Variants in IHO1 observed in about 807,000 individuals in gnomAD.
The protein encoded by IHO1 is interactor of HORMAD1 protein 1.
Under a neutral mutation model 31.0 loss-of-function variants are expected in IHO1, and 13 were observed. That is an observed-to-expected ratio of 0.42 (90% CI 0.27 to 0.67). IHO1 has a LOEUF of 0.67. IHO1 is among the 30% of genes least tolerant of loss of function. The pLI, the probability that IHO1 is intolerant of heterozygous loss-of-function variation, is 0.24. For missense variants in IHO1, 599 were observed against 687.5 expected, an observed-to-expected ratio of 0.87 and a Z score of 1.44; for synonymous variants, 221 against 248.4, an observed-to-expected ratio of 0.89 and a Z score of 1.04.
chr3:49,251,233 G>C (rs927705751), intron 6 of IHO1, among the ~76,000 whole-genome samples: 1 of 150,126 alleles, frequency 6.7e-6, no homozygotes, highest in African/African-American at 2.5e-5. Context: ...CAGTTCTCCT[G>C]TCTCAGCCTC....
intron 6 of IHO1, among the ~76,000 whole-genome samples, chr3:49,248,204 C>T (rs1169180678): frequency 4.0e-5 from 6 of 151,088 alleles, no homozygotes; most frequent in Non-Finnish European, 7.4e-5. Context: ...GGGCAGATCA[C>T]GGGGTCAGGA....
At chr3:49,199,701 G>A (rs2046028372) in intron 1 of IHO1, 128 bp downstream of exon 1, 1 of 152,302 alleles carries the variant, frequency 6.6e-6, no homozygotes, top group African/African-American at 2.4e-5. Context: ...CGGGACGTTG[G>A]TCTTGTAGTC....
chr3:49,197,590 TATGG>T (rs2046007011), upstream of IHO1, among the ~76,000 whole-genome samples: 1 of 152,012 alleles, frequency 6.6e-6, no homozygotes. Context: ...AGAGAGTAAA[TATGG>T]CCAGGCGTGG....
At chr3:49,194,979 G>A (rs1354182171), upstream of IHO1, among the ~76,000 whole-genome samples, 1 of 152,028 alleles carries the variant, frequency 6.6e-6, no homozygotes, top group Non-Finnish European at 1.5e-5. Context: ...GGCTGGGTGT[G>A]ATGGGTCACT....
chr3:49,242,269 T>A (rs1247663384), intron 4 of IHO1, among the ~76,000 whole-genome samples: 4 of 151,644 alleles, frequency 2.6e-5, no homozygotes, highest in African/African-American at 7.3e-5. Context: ...GTAGCTTCGA[T>A]CAGAGGCACA....
At chr3:49,211,638 G>T (rs2046217826) in intron 1 of IHO1, 128 bp from the exon 2 acceptor site, 5 of 355,230 alleles carry the variant, frequency 1.4e-5, no homozygotes, top group East Asian at 5.2e-5. Flanking sequence ...AAAAAAAACA[G>T]AAATTTTCAC....
intron 2 of IHO1, among the ~76,000 whole-genome samples, chr3:49,218,601 C>A (rs1358098481): frequency 2.6e-5 from 4 of 152,012 alleles, no homozygotes; most frequent in Non-Finnish European, 5.9e-5. Flanking sequence ...AGGCTGATTT[C>A]AAACTCCTGA....
chr3:49,255,851 C>T (rs963046390), intron 7 of IHO1, among the ~76,000 whole-genome samples: 2 of 151,940 alleles, frequency 1.3e-5, no homozygotes, highest in Non-Finnish European at 2.9e-5. Context: ...TGCGCCCGGC[C>T]GAGAAACCTT....
intron 1 of IHO1, among the ~76,000 whole-genome samples, chr3:49,200,352 C>G (rs1226165328): frequency 6.6e-6 from 1 of 151,540 alleles, no homozygotes; most frequent in Non-Finnish European, 1.5e-5. Context: ...GTAATCCCAG[C>G]TACTTGGGAG....
intron 3 of IHO1, among the ~76,000 whole-genome samples, 192 bp from the exon 4 acceptor site, chr3:49,241,034 T>C (rs2046624674): frequency 6.6e-6 from 1 of 152,230 alleles, no homozygotes; most frequent in Non-Finnish European, 1.5e-5. Flanking sequence ...AAAATCTATA[T>C]TAATAAAAAC....
At chr3:49,245,114 C>T (rs1342022785) in intron 6 of IHO1, 1 of 440,814 alleles carries the variant, frequency 2.3e-6, no homozygotes, top group African/African-American at 1.9e-5. Context: ...GTTAGAAATA[C>T]TGTAGTACCT....
Position 49,236,680 on chromosome 3 carries a change from C to T in IHO1, c.189C>T (p.Ala63=). 1 of 1,613,992 alleles carries T rather than the reference C, an allele frequency of 6.2e-7. No homozygotes were observed. Among genetic ancestry groups the T allele is most frequent in the Middle Eastern group, 1.6e-4 (1 of 6,062 alleles). ...ETLSAPLDFG[A]HLRHSKQSQQ... Reference sequence around the variant, plus strand: ...TATCAGCACCCTTGGACTTTGGTGCCCACTTGAGACATTCAAAACAGTCAC... The same window carrying T: ...TATCAGCACCCTTGGACTTTGGTGCTCACTTGAGACATTCAAAACAGTCAC... Residue 63 remains alanine, a synonymous_variant, in exon 3 of 8, where the codon GCC becomes GCT. Coordinates refer to ENST00000452691, the MANE Select transcript of IHO1 (RefSeq NM_001135197.2).
intron 2 of IHO1, among the ~76,000 whole-genome samples, chr3:49,226,005 G>A (rs1276956870): frequency 2.6e-5 from 4 of 152,192 alleles, no homozygotes; most frequent in African/African-American, 7.2e-5. Context: ...GCACCTTCCA[G>A]TGATTGCCTT....
rs1458872238 is a variant in IHO1, at chr3:49,248,826, C to T, written c.532+4093C>T. Among the ~76,000 whole-genome samples, 4 of 152,146 alleles carry T rather than the reference C, an allele frequency of 2.6e-5. 1 individual carries two copies. ...TGAAAATGAGCACAAGTAGCCTATCCAGAATAATTCTCTTTCTTGGTAGGA... is the reference window on the plus strand; with the variant it reads ...TGAAAATGAGCACAAGTAGCCTATCTAGAATAATTCTCTTTCTTGGTAGGA... On this transcript the variant is annotated intron_variant, in intron 6 of 7. Coordinates refer to ENST00000452691, the MANE Select transcript of IHO1 (RefSeq NM_001135197.2).
intron 2 of IHO1, among the ~76,000 whole-genome samples, chr3:49,234,169 T>G (rs1401752504): frequency 6.8e-6 from 1 of 146,020 alleles, no homozygotes. Flanking sequence ...GTTGTTTTTT[T>G]TTTTTTTTTT....
At chr3:49,192,119 A>G in the IHO1 span, among the ~76,000 whole-genome samples, 3 of 152,220 alleles carry the variant, frequency 2.0e-5, no homozygotes, top group African/African-American at 7.2e-5. Context: ...TTAAAAACCT[A>G]TGCATCCATA....
chr3:49,205,148 A>G (rs1398167856), intron 1 of IHO1, among the ~76,000 whole-genome samples: 1 of 152,114 alleles, frequency 6.6e-6, no homozygotes, highest in African/African-American at 2.4e-5. Context: ...TTATTCATCA[A>G]TTTTCTGGGA....
intron 4 of IHO1, among the ~76,000 whole-genome samples, chr3:49,242,895 T>C (rs927714100): frequency 6.6e-6 from 1 of 152,228 alleles, no homozygotes; most frequent in South Asian, 2.1e-4. Flanking sequence ...CTTTTTTGAA[T>C]TTTTTTAAAC....
intron 4 of IHO1, among the ~76,000 whole-genome samples, chr3:49,243,087 ATCT>A (rs1160988224): frequency 1.3e-5 from 2 of 151,272 alleles, no homozygotes; most frequent in Middle Eastern, 3.4e-3. Context: ...GTGTCTGTTG[ATCT>A]TCTGTTCATG....
Sources: gnomAD v4.1 joint callset for allele counts (sites outside exome capture counted in the v4.1 genomes callset) on GRCh38, gnomAD v4.1.1 for gene constraint, MANE v1.5 for transcripts, NCBI Gene and HGNC (gene_info 2026-07-23, HGNC 2026-07-21) for gene names.